TNFRSF10D: variants seen among roughly 807,000 people sequenced by gnomAD.
The protein encoded by TNFRSF10D is tumor necrosis factor receptor superfamily member 10D.
In TNFRSF10D, 28 loss-of-function variants were observed where a neutral mutation model predicts 42.1. That is an observed-to-expected ratio of 0.66 (90% confidence interval 0.49 to 0.91). The LOEUF (loss-of-function observed/expected upper bound fraction) is 0.91, where lower values mean the gene tolerates loss of function less well. Ranked by LOEUF, TNFRSF10D falls within the 40% of genes least tolerant of loss-of-function variation. The pLI, the probability that TNFRSF10D is intolerant of heterozygous loss-of-function variation, is 0.00. For missense variants in TNFRSF10D, 503 were observed against 486.1 expected (o/e 1.03, Z -0.33); for synonymous variants, 186 against 189.4 (o/e 0.98, Z 0.15).
chr8:23,158,180 CTT>C (rs1200713004), intron 1 of TNFRSF10D, among the ~76,000 whole-genome samples: 1 of 152,082 alleles, frequency 6.6e-6, no homozygotes, highest in African/African-American at 2.4e-5. Flanking sequence ...TTTTAATAAA[CTT>C]TCACTCCTGC....
At chr8:23,143,567 A>AGAAAAC (rs773452281) in intron 7 of TNFRSF10D, among the ~76,000 whole-genome samples, 937 of 152,186 alleles carry the variant, frequency 6.2e-3, no homozygotes, top group African/African-American at 0.019. Context: ...CATTAAAAAA[A>AGAAAAC]ATGGGGTATA....
chr8:23,157,819 C>T (rs1800302286), intron 1 of TNFRSF10D, among the ~76,000 whole-genome samples: 1 of 152,202 alleles, frequency 6.6e-6, no homozygotes, highest in Non-Finnish European at 1.5e-5. Context: ...GGCAGCTAGT[C>T]AGGTATGAGC....
At chr8:23,149,082 C>A (rs1374260355) in intron 2 of TNFRSF10D, among the ~76,000 whole-genome samples, 2 of 146,280 alleles carry the variant, frequency 1.4e-5, no homozygotes, top group African/African-American at 5.1e-5. Context: ...CCTAGCTACT[C>A]GGGAGGCTGA....
intron 7 of TNFRSF10D, among the ~76,000 whole-genome samples, chr8:23,140,042 C>A (rs529541795): frequency 6.6e-6 from 1 of 152,176 alleles, no homozygotes; most frequent in Non-Finnish European, 1.5e-5. Flanking sequence ...GTAATCTCAG[C>A]ACTTTGGGAG....
intron 1 of TNFRSF10D, among the ~76,000 whole-genome samples, chr8:23,157,286 A>T (rs1320594443): frequency 6.7e-6 from 1 of 150,354 alleles, no homozygotes; most frequent in African/African-American, 2.5e-5. Context: ...TTGCTGTTAT[A>T]TTATTATTAT....
chr8:23,138,511 T>C (rs953996143), intron 7 of TNFRSF10D, among the ~76,000 whole-genome samples: 6 of 152,178 alleles, frequency 3.9e-5, no homozygotes, highest in African/African-American at 1.4e-4. Context: ...CCTGTGTAAT[T>C]ATCCCCTGAT....
At chr8:23,160,905 G>T (rs1162099525) in intron 1 of TNFRSF10D, among the ~76,000 whole-genome samples, 1 of 152,248 alleles carries the variant, frequency 6.6e-6, no homozygotes, top group Non-Finnish European at 1.5e-5. Context: ...CTGTGGCCCT[G>T]CAGTGCCATC....
chr8:23,156,021 A>AT (rs1800275412), intron 1 of TNFRSF10D, among the ~76,000 whole-genome samples: 1 of 152,190 alleles, frequency 6.6e-6, no homozygotes, highest in Admixed American at 6.5e-5. Flanking sequence ...CAATTCAGGG[A>AT]TTATGGCCAT....
chr8:23,152,388 C>T (rs1255569520), intron 2 of TNFRSF10D, among the ~76,000 whole-genome samples: 1 of 152,126 alleles, frequency 6.6e-6, no homozygotes, highest in African/African-American at 2.4e-5. Context: ...GGCATTATAC[C>T]CCAGGCTTTC....
At position 23,137,646 on chromosome 8, in the gene TNFRSF10D, A is replaced by G. The variant is rs1414695907; in HGVS notation, c.*224T>C. ...ACACAATCGTATAACTATGCAGCCA[A>G]GAATCTGATATAAATTTCTCCCGTT... On this transcript the variant is annotated 3_prime_UTR_variant, in exon 9 of 9. Coordinates refer to ENST00000312584, the MANE Select transcript of TNFRSF10D (RefSeq NM_003840.5). The G allele has an allele frequency of 7.6e-6, 4 of 527,458 alleles. No homozygotes were observed. Among genetic ancestry groups the G allele is most frequent in the Non-Finnish European group, 1.3e-5 (4 of 311,862 alleles). The allele number at this position is 527,458 out of a possible 1,614,324, so 32.7% of individuals were successfully genotyped here.
intron 7 of TNFRSF10D, among the ~76,000 whole-genome samples, chr8:23,140,037 C>T (rs1814419031): frequency 1.3e-5 from 2 of 152,146 alleles, no homozygotes. Context: ...CGCCTGTAAT[C>T]TCAGCACTTT....
chr8:23,161,593 G>T lies in TNFRSF10D; in HGVS notation c.150+2193C>A, dbSNP rs117895991. ...TCAGTCTTCCCTGCCACCCTCCCCT[G>T]CTGTCTCATCTGGATCCCCCGGTCA... On this transcript the variant is annotated intron_variant, in intron 1 of 8. Coordinates refer to ENST00000312584, the MANE Select transcript of TNFRSF10D (RefSeq NM_003840.5). 8.1e-3 allele frequency among the ~76,000 whole-genome samples: 1,238 copies of T among 152,202 alleles called. 4 individuals are homozygous for T. Among genetic ancestry groups the T allele is most frequent in the East Asian group, 0.021 (109 of 5,188 alleles).
rs1296634977 is a variant in TNFRSF10D, at chr8:23,163,913, A to G, written c.23T>C (p.Val8Ala). The change falls in exon 1 of 9, where the codon GTC (valine) becomes GCC (alanine). Residue 8 changes from valine to alanine, a missense_variant. By Grantham distance (64) the Val-to-Ala change is moderately conservative. Coordinates refer to ENST00000312584, the MANE Select transcript of TNFRSF10D (RefSeq NM_003840.5). The stretch of plus-strand genomic sequence containing the variant: ...TGCTCGAGCGCTCGAGGCGGTCGGG[A>G]CGCTTTGTCCCCAAAGTCCCATGAG... MGLWGQSVPTASSARAGR... is the reference protein window; with the variant it reads MGLWGQSAPTASSARAGR... 3.0e-4 allele frequency: 479 copies of G among 1,584,206 alleles called. No individual in the cohort carries two copies. In the African/African-American group the frequency reaches 6.3e-3, roughly 21 times the overall value.
intron 7 of TNFRSF10D, among the ~76,000 whole-genome samples, chr8:23,140,968 T>C (rs115841551): frequency 6.1e-3 from 933 of 152,236 alleles, no homozygotes; most frequent in African/African-American, 0.019. Flanking sequence ...TGGCTAGCCA[T>C]ATGCAGAACA....
Position 23,138,138 on chromosome 8 carries a change from C to T in TNFRSF10D, c.1027+50G>A, listed in dbSNP as rs201341852. The T allele has an allele frequency of 1.7e-3, 2,691 of 1,610,744 alleles. No homozygotes were observed. In the African/African-American group the frequency reaches 0.019, roughly 12 times the overall value. On this transcript the variant is annotated intron_variant, in intron 8 of 8. Transcript: ENST00000312584. ...GCTATAGGGACAGCAGTTAGGACACCGTCCCTATTCCCTGTCCTCCTGCTG... is the reference window on the plus strand; with the variant it reads ...GCTATAGGGACAGCAGTTAGGACACTGTCCCTATTCCCTGTCCTCCTGCTG...
rs551669232 is a variant in TNFRSF10D, at chr8:23,158,352, A to G, written c.151-3373T>C. 7.9e-5 allele frequency among the ~76,000 whole-genome samples: 12 copies of G among 152,268 alleles called. No homozygotes were observed. The East Asian group carries it at 2.3e-3, about 29-fold the overall frequency. On this transcript the variant is annotated intron_variant, in intron 1 of 8. Coordinates refer to ENST00000312584, the MANE Select transcript of TNFRSF10D (RefSeq NM_003840.5). Reference sequence around the variant, plus strand: ...GTCCACCGCTAACAAAATCAACTTCATGTGATACTGAGATAGCCACGGCAG... The same window carrying G: ...GTCCACCGCTAACAAAATCAACTTCGTGTGATACTGAGATAGCCACGGCAG...
Position 23,163,863 on chromosome 8 carries a change from CT to C in TNFRSF10D, c.72del (p.Ala25ArgfsTer175). 6.2e-7 allele frequency: 1 copy of C among 1,604,170 alleles called. No individual in the cohort carries two copies. The highest frequency in any genetic ancestry group is 1.7e-4 in the Middle Eastern group (1 of 6,044). ...ARAGRYPGAR[T>X]ASGTRPWLLD... ...AGGAGCCATGGTCTGGTTCCCGACGCTGTCCTGGCTCCTGGATAGCGCCCTG... is the reference window on the plus strand; with the variant it reads ...AGGAGCCATGGTCTGGTTCCCGACGCGTCCTGGCTCCTGGATAGCGCCCTG... On this transcript the variant is annotated frameshift_variant, in exon 1 of 9. Transcript: ENST00000312584. LOFTEE classifies it high-confidence loss of function.
At chr8:23,161,832 C>T (rs1800371673) in intron 1 of TNFRSF10D, among the ~76,000 whole-genome samples, 1 of 152,176 alleles carries the variant, frequency 6.6e-6, no homozygotes, top group South Asian at 2.1e-4. Flanking sequence ...AATTCGTAAA[C>T]ATCTAAAGAA....
At chr8:23,158,312 G>C (rs192890927) in intron 1 of TNFRSF10D, among the ~76,000 whole-genome samples, 1 of 152,120 alleles carries the variant, frequency 6.6e-6, no homozygotes, top group Non-Finnish European at 1.5e-5. Flanking sequence ...TTCAACGTAG[G>C]GTAACTCGGA....
Sources: allele counts gnomAD v4.1 joint callset (sites outside exome capture counted in the v4.1 genomes callset), GRCh38; gene constraint gnomAD v4.1.1; transcripts MANE v1.5; gene names NCBI Gene and HGNC (gene_info 2026-07-23, HGNC 2026-07-21).